The following KSR1 variants were observed in gnomAD, a reference collection of about 807,000 sequenced individuals.
KSR1 encodes the protein kinase suppressor of ras.
Under a neutral mutation model 92.9 loss-of-function variants are expected in KSR1, and 35 were observed. The observed-to-expected ratio is 0.38, with a 90% confidence interval of 0.29 to 0.50. The LOEUF (loss-of-function observed/expected upper bound fraction) is 0.50, where lower values mean the gene tolerates loss of function less well. Ranked by LOEUF, KSR1 falls within the 20% of genes least tolerant of loss-of-function variation. KSR1 has a pLI of 0.94. For missense variants in KSR1, 972 were observed against 1,158.5 expected, an observed-to-expected ratio of 0.84 and a Z score of 2.34; for synonymous variants, 467 against 472.6, an observed-to-expected ratio of 0.99 and a Z score of 0.15.
At chr17:27,593,309 G>A (rs1021221757) in intron 9 of KSR1, among the ~76,000 whole-genome samples, 3 of 152,256 alleles carry the variant, frequency 2.0e-5, no homozygotes, top group Non-Finnish European at 2.9e-5. Flanking sequence ...GGAGGTGCCA[G>A]TGCTGATGGC....
rs1408490948 is a variant in KSR1, at chr17:27,624,983, G to A, written c.*1591G>A. 6.6e-6 allele frequency: 1 copy of A among 152,318 alleles called. No homozygotes were observed. Among genetic ancestry groups the A allele is most frequent in the Non-Finnish European group, 1.5e-5 (1 of 68,088 alleles). The allele number at this position is 152,318 out of a possible 1,614,324, so 9.4% of individuals were successfully genotyped here. Reference sequence around the variant, plus strand: ...AGGGCACAGCCGTATTACAGTGCCAGTGTGCCTGGCCATCAGCATCTTCAC... The same window carrying A: ...AGGGCACAGCCGTATTACAGTGCCAATGTGCCTGGCCATCAGCATCTTCAC... On this transcript the variant is annotated 3_prime_UTR_variant, in exon 21 of 21. Transcript: ENST00000644974.
At chr17:27,512,052 G>C (rs1229515092) in intron 1 of KSR1, among the ~76,000 whole-genome samples, 3 of 152,196 alleles carry the variant, frequency 2.0e-5, no homozygotes, top group Non-Finnish European at 2.9e-5. Flanking sequence ...GGCTGGAGTA[G>C]ACCAGATCCT....
intron 1 of KSR1, among the ~76,000 whole-genome samples, chr17:27,516,504 TAG>T (rs1389017721): frequency 6.6e-6 from 1 of 152,016 alleles, no homozygotes; most frequent in Non-Finnish European, 1.5e-5. Context: ...TAGTGCAGAG[TAG>T]AGTCTCCCTC....
At chr17:27,550,419 C>T (rs2071354541) in intron 1 of KSR1, 149 bp from the exon 2 acceptor site, 3 of 667,028 alleles carry the variant, frequency 4.5e-6, no homozygotes, top group Admixed American at 4.2e-5. Flanking sequence ...CCACCCTTTC[C>T]CCTCCCCTGC....
chr17:27,597,377 G>A lies in KSR1; in HGVS notation c.1409G>A (p.Ser470Asn), dbSNP rs1298252607. The A allele has an allele frequency of 6.2e-7, 1 of 1,613,608 alleles. No individual in the cohort carries two copies. Among genetic ancestry groups the A allele is most frequent in the Admixed American group, 1.7e-5 (1 of 59,966 alleles). ...APFPTSSNPS[S>N]ATTPPNPSPG... is the part of the protein sequence containing the mutation. ...TTCCCGACATCATCCAACCCATCCA[G>A]CGCCACCACGCCCCCCAACCCCTCA... Residue 470 changes from serine (S) to asparagine (N), a missense_variant, in exon 10 of 21, where the codon AGC becomes AAC. By Grantham distance (46) the Ser-to-Asn change is conservative (BLOSUM62 1). Coordinates refer to ENST00000644974, the MANE Select transcript of KSR1 (RefSeq NM_001394583.1).
intron 1 of KSR1, among the ~76,000 whole-genome samples, chr17:27,477,687 A>G (rs1334034397): frequency 6.6e-6 from 1 of 150,976 alleles, no homozygotes; most frequent in Non-Finnish European, 1.5e-5. Context: ...TCTACGCCAG[A>G]TGCTTCAGGG....
At chr17:27,478,312 G>A (rs138293340) in intron 1 of KSR1, among the ~76,000 whole-genome samples, 5 of 152,264 alleles carry the variant, frequency 3.3e-5, no homozygotes, top group East Asian at 3.9e-4. Flanking sequence ...GTGTGACTGC[G>A]CCTGTGCTGT....
chr17:27,471,580 G>A (rs1229403473), intron 1 of KSR1, among the ~76,000 whole-genome samples: 5 of 152,174 alleles, frequency 3.3e-5, no homozygotes. Flanking sequence ...GGGGAGGATG[G>A]TTGGCCTTGG....
chr17:27,607,116 G>A (rs565665827), intron 14 of KSR1, among the ~76,000 whole-genome samples: 31 of 152,334 alleles, frequency 2.0e-4, no homozygotes, highest in African/African-American at 6.3e-4. Flanking sequence ...ACAGGCGTGA[G>A]CCACTGTGGC....
intron 14 of KSR1, 150 bp from the exon 15 acceptor site, chr17:27,607,764 G>T: frequency 1.6e-6 from 1 of 633,526 alleles, no homozygotes; most frequent in Non-Finnish European, 2.9e-6. Flanking sequence ...GCAGGACTGG[G>T]CTGGGTTAAA....
chr17:27,614,289 A>G (rs2073998713), intron 18 of KSR1, among the ~76,000 whole-genome samples: 1 of 152,208 alleles, frequency 6.6e-6, no homozygotes, highest in African/African-American at 2.4e-5. Context: ...GTCACTGGAC[A>G]TGGGGATTCT....
intron 1 of KSR1, among the ~76,000 whole-genome samples, chr17:27,467,289 G>A (rs906609696): frequency 7.9e-5 from 12 of 152,242 alleles, no homozygotes; most frequent in African/African-American, 2.4e-4. Flanking sequence ...GGTTGCCTTT[G>A]TCTAGGCTCT....
chr17:27,561,000 T>C (rs2071804961), intron 2 of KSR1, among the ~76,000 whole-genome samples: 1 of 151,966 alleles, frequency 6.6e-6, no homozygotes, highest in Non-Finnish European at 1.5e-5. Flanking sequence ...TGGTGGCAAG[T>C]GGTGGACTGG....
chr17:27,594,402 A>AC (rs1407975555), intron 9 of KSR1, among the ~76,000 whole-genome samples: 2 of 151,110 alleles, frequency 1.3e-5, no homozygotes, highest in African/African-American at 4.9e-5. Flanking sequence ...CACCAAGCAC[A>AC]CCCCCCATGC....
At chr17:27,570,758 C>T (rs1174964170) in intron 2 of KSR1, among the ~76,000 whole-genome samples, 3 of 152,210 alleles carry the variant, frequency 2.0e-5, no homozygotes, top group African/African-American at 7.2e-5. Context: ...CCACATCTGC[C>T]TTCTGGTCTG....
At chr17:27,550,462 C>T (rs2071356268) in intron 1 of KSR1, 106 bp from the exon 2 acceptor site, 2 of 706,704 alleles carry the variant, frequency 2.8e-6, no homozygotes, top group East Asian at 2.5e-5. Context: ...CCCCTTCCCT[C>T]ATCACATTGC....
At chr17:27,513,983 G>T (rs554327967) in intron 1 of KSR1, among the ~76,000 whole-genome samples, 1 of 152,336 alleles carries the variant, frequency 6.6e-6, no homozygotes, top group East Asian at 1.9e-4. Flanking sequence ...GGCTTCAGCC[G>T]AGTCTCCAGG....
Position 27,588,460 on chromosome 17 carries a change from C to T in KSR1, c.986-15C>T. On this transcript the variant is annotated splice_polypyrimidine_tract_variant and intron_variant, in intron 5 of 20. Transcript: ENST00000644974. ...GGAGTTCCTCAGCCTGCCCATCCGG[C>T]CTCTTTCCCTGCAGATCTCTCGCAT... 6.4e-7 allele frequency: 1 copy of T among 1,567,342 alleles called. No homozygotes were observed. The highest frequency in any genetic ancestry group is 8.6e-7 in the Non-Finnish European group (1 of 1,156,118).
At chr17:27,574,485 G>C (rs979426781) in intron 2 of KSR1, among the ~76,000 whole-genome samples, 3 of 152,136 alleles carry the variant, frequency 2.0e-5, no homozygotes, top group African/African-American at 4.8e-5. Flanking sequence ...TGTGATTCTT[G>C]CCTACAGCCC....
Sources: allele counts gnomAD v4.1 joint callset (sites outside exome capture counted in the v4.1 genomes callset), GRCh38; gene constraint gnomAD v4.1.1; transcripts MANE v1.5; gene names NCBI Gene and HGNC (gene_info 2026-07-23, HGNC 2026-07-21).